Variants in HECTD4 observed in about 807,000 individuals in gnomAD.
HECTD4 encodes the protein probable E3 ubiquitin-protein ligase HECTD4.
HECTD4 carries 114 observed loss-of-function variants against 471.5 expected under a neutral mutation model. That is an observed-to-expected ratio of 0.24 (90% CI 0.21 to 0.28). The LOEUF is 0.28. HECTD4 is among the 10% of genes least tolerant of loss of function. The pLI is 1.00. For synonymous variants in HECTD4, 2,012 were observed against 2,256.0 expected, an observed-to-expected ratio of 0.89 and a Z score of 3.07; for missense variants, 3,866 against 5,651.5, an observed-to-expected ratio of 0.68 and a Z score of 10.13.
chr12:112,290,626 T>C (rs1397136116), intron 7 of HECTD4, among the ~76,000 whole-genome samples: 1 of 151,520 alleles, frequency 6.6e-6, no homozygotes, highest in Non-Finnish European at 1.5e-5. Flanking sequence ...GGAAGGCAGA[T>C]CACCTGAGGT....
chr12:112,325,380 C>T (rs985917332), intron 1 of HECTD4, among the ~76,000 whole-genome samples: 10 of 152,274 alleles, frequency 6.6e-5, no homozygotes, highest in African/African-American at 1.9e-4. Context: ...GGCTACTCAG[C>T]GTTATCCATT....
chr12:112,236,985 C>T lies in HECTD4; in HGVS notation c.5404G>A (p.Ala1802Thr), dbSNP rs1178472325. Residue 1802 changes from alanine to threonine, a missense_variant, in exon 35 of 76, where the codon GCG (alanine) becomes ACG (threonine). This residue lies in a region of HECTD4 where 229 missense variants were observed against 386.4 expected (regional missense o/e 0.59). Coordinates refer to ENST00000682272, the MANE Select transcript of HECTD4 (RefSeq NM_001388303.1). Reference protein sequence around the residue: ...CCGNQAAGNDALQDVLSLLND... With the variant: ...CCGNQAAGNDTLQDVLSLLND... ...AGAAGACTAAGGACATCCTGGAGCG[C>T]GTCATTCCCAGCAGCCTGGTTGCCA... 3.1e-6 allele frequency: 5 copies of T among 1,612,818 alleles called. No individual in the cohort carries two copies. Among genetic ancestry groups the T allele is most frequent in the Non-Finnish European group, 4.2e-6 (5 of 1,179,500 alleles).
chr12:112,342,297 A>C (rs1291256663), intron 1 of HECTD4, among the ~76,000 whole-genome samples: 1 of 152,116 alleles, frequency 6.6e-6, no homozygotes, highest in Non-Finnish European at 1.5e-5. Flanking sequence ...TTTCAACAAA[A>C]AAATTAAAAA....
intron 1 of HECTD4, among the ~76,000 whole-genome samples, chr12:112,344,642 G>T (rs886165591): frequency 1.3e-5 from 2 of 152,218 alleles, no homozygotes; most frequent in African/African-American, 4.8e-5. Flanking sequence ...ATCAGGGCCA[G>T]ATGTGGTAGC....
chr12:112,164,109 G>A lies in HECTD4; in HGVS notation c.12701C>T (p.Ala4234Val). The change falls in exon 73 of 76, where the codon GCG becomes GTG. Residue 4234 changes from alanine (A) to valine (V), a missense_variant and splice_region_variant. Physicochemically the swap from Ala to Val is moderately conservative, Grantham distance 64. Around this residue, in one of 16 missense-constraint regions of HECTD4, gnomAD observed 715 missense variants for 1,087.6 expected, o/e 0.66. Transcript: ENST00000682272. ...GCCCCTGACACGCGCACACACTCACGCCACAAGGATGTGCCGGCCCCGGCT... is the reference window on the plus strand; with the variant it reads ...GCCCCTGACACGCGCACACACTCACACCACAAGGATGTGCCGGCCCCGGCT... ...LCSRGRHILVAWENKDIYAAA... is the reference protein window; with the variant it reads ...LCSRGRHILVVWENKDIYAAA... The A allele has an allele frequency of 1.3e-6, 2 of 1,575,562 alleles. No individual in the cohort carries two copies. The highest frequency in any genetic ancestry group is 1.8e-5 in the Admixed American group (1 of 56,172).
At chr12:112,226,833 T>C in intron 43 of HECTD4, 75 bp from the exon 44 acceptor site, 1 of 1,083,806 alleles carries the variant, frequency 9.2e-7, no homozygotes, top group Non-Finnish European at 1.3e-6. Context: ...GTGAAAAACA[T>C]TTCAATCAAT....
At chr12:112,249,245 T>TA (rs2033826402) in intron 25 of HECTD4, among the ~76,000 whole-genome samples, 1 of 151,474 alleles carries the variant, frequency 6.6e-6, no homozygotes, top group South Asian at 2.1e-4. Flanking sequence ...TCCCAGTTAC[T>TA]AGGGAGGCTG....
At chr12:112,176,751 C>A in intron 64 of HECTD4, 49 bp from the exon 65 acceptor site, 1 of 1,309,414 alleles carries the variant, frequency 7.6e-7, no homozygotes, top group Non-Finnish European at 1.1e-6. Flanking sequence ...CACACCTCCT[C>A]CCGATAGGAA....
At chr12:112,349,837 G>A (rs896202356) in intron 1 of HECTD4, among the ~76,000 whole-genome samples, 6 of 152,124 alleles carry the variant, frequency 3.9e-5, no homozygotes, top group African/African-American at 1.4e-4. Context: ...TTTGATTTAA[G>A]GAGCCTACTT....
At chr12:112,269,617 T>C in intron 13 of HECTD4, 87 bp downstream of exon 13, 1 of 1,436,540 alleles carries the variant, frequency 7.0e-7, no homozygotes, top group Admixed American at 1.9e-5. Context: ...TAAGAGGCAT[T>C]TATACTACCA....
Position 112,309,683 on chromosome 12 carries a change from T to G in HECTD4, c.917-14A>C. 7.8e-7 allele frequency: 1 copy of G among 1,274,108 alleles called. No homozygotes were observed. The highest frequency in any genetic ancestry group is 1.1e-6 in the Non-Finnish European group (1 of 914,908). 78.9% of individuals were successfully genotyped at this position (1,274,108 alleles called of 1,614,324 possible). On this transcript the variant is annotated splice_polypyrimidine_tract_variant and intron_variant, in intron 4 of 75. Transcript: ENST00000682272. ...CCAAGTCAGCATCTGAAATCGTTTT[T>G]TCACAGGTAAATTATATATATGTTT...
At chr12:112,244,865 C>T (rs1245061849) in intron 29 of HECTD4, among the ~76,000 whole-genome samples, 3 of 152,118 alleles carry the variant, frequency 2.0e-5, no homozygotes, top group Non-Finnish European at 4.4e-5. Context: ...CTCCTTAACC[C>T]TATCCAGGGA....
chr12:112,163,602 G>A lies in HECTD4; in HGVS notation c.12837C>T (p.Ser4279=). 1.3e-6 allele frequency: 2 copies of A among 1,534,182 alleles called. No individual in the cohort carries two copies. The highest frequency in any genetic ancestry group is 2.8e-5 in the African/African-American group (2 of 72,520). Residue 4279 remains serine (S), a synonymous_variant, in exon 74 of 76, where the codon AGC becomes AGT. Coordinates refer to ENST00000682272, the MANE Select transcript of HECTD4 (RefSeq NM_001388303.1). This position sits in a 1 kb window ranked among gnomAD's most constrained non-coding sequence, Gnocchi z 8.2. The part of the protein sequence containing the change: ...IIPLQLLTML[S]PLEMELRTCG... ...AGGTGCGCAGCTCCATCTCCAGTGG[G>A]CTGAGCATGGTCAGCAGCTGCAGGG...
At chr12:112,344,479 C>A (rs2098785526) in intron 1 of HECTD4, among the ~76,000 whole-genome samples, 1 of 152,214 alleles carries the variant, frequency 6.6e-6, no homozygotes, top group African/African-American at 2.4e-5. Context: ...AACTCCAAAA[C>A]TAGCTTAACT....
chr12:112,220,741 G>C (rs1425308407), intron 44 of HECTD4, among the ~76,000 whole-genome samples: 2 of 152,094 alleles, frequency 1.3e-5, no homozygotes, highest in East Asian at 1.9e-4. Flanking sequence ...AGGTTGCAGT[G>C]AGCTGACATC....
rs768895823 is a variant in HECTD4 at position 112,229,734 on chromosome 12, G to T, written c.6483C>A (p.Gly2161=). ...ATCCTATCTTGATTGTCTCTTTGAA[G>T]CCTCCAAGTGCACACAGTGCGGCAA... ...QAVAALCALG[G]FKETIKIGSE... Residue 2161 remains glycine, a synonymous_variant, in exon 41 of 76, where the codon GGC becomes GGA. Coordinates refer to ENST00000682272, the MANE Select transcript of HECTD4 (RefSeq NM_001388303.1). The T allele has an allele frequency of 1.2e-6, 2 of 1,613,896 alleles. No individual in the cohort carries two copies. Among genetic ancestry groups the T allele is most frequent in the Admixed American group, 3.3e-5 (2 of 60,006 alleles).
At chr12:112,182,991 AT>A (rs1308567837) in intron 62 of HECTD4, 67 bp downstream of exon 62, 4 of 1,175,216 alleles carry the variant, frequency 3.4e-6, no homozygotes, top group Non-Finnish European at 5.0e-6. Flanking sequence ...TTTAATGCAG[AT>A]TTTTTTCTGT....
At chr12:112,238,381 G>A (rs1307327887) in intron 34 of HECTD4, among the ~76,000 whole-genome samples, 1 of 152,036 alleles carries the variant, frequency 6.6e-6, no homozygotes, top group African/African-American at 2.4e-5. Flanking sequence ...CCCAGCCCAG[G>A]TTTACTTTTT....
At chr12:112,221,569 T>C (rs1051761873) in intron 44 of HECTD4, among the ~76,000 whole-genome samples, 1 of 152,010 alleles carries the variant, frequency 6.6e-6, no homozygotes, top group Non-Finnish European at 1.5e-5. Flanking sequence ...GAACTGGATA[T>C]GGCAAGTGAT....
Sources: allele counts gnomAD v4.1 joint callset (sites outside exome capture counted in the v4.1 genomes callset), GRCh38; gene constraint gnomAD v4.1.1; regional missense constraint gnomAD v4.1.1; non-coding constraint Gnocchi (gnomAD v3.1); transcripts MANE v1.5; gene names NCBI Gene and HGNC (gene_info 2026-07-23, HGNC 2026-07-21).